The following MASP2 variants were observed in gnomAD, a reference collection of about 807,000 sequenced individuals.
The protein encoded by MASP2 is MBL associated serine protease 2.
MASP2 carries 49 observed loss-of-function variants against 57.1 expected under a neutral mutation model. The ratio of observed to expected loss-of-function variants is 0.86; its 90% confidence interval spans 0.68 to 1.09. The LOEUF (loss-of-function observed/expected upper bound fraction) is 1.09, where lower values mean the gene tolerates loss of function less well. Ranked by LOEUF, MASP2 falls within the 50% of genes least tolerant of loss-of-function variation. MASP2 has a pLI of 0.00. For missense variants in MASP2, 900 were observed against 874.8 expected, an observed-to-expected ratio of 1.03 and a Z score of -0.36; for synonymous variants, 379 against 340.8, an observed-to-expected ratio of 1.11 and a Z score of -1.24.
At chr1:11,029,995 C>CT (rs1201230823) in intron 10 of MASP2, 181 bp downstream of exon 10, 2 of 529,290 alleles carry the variant, frequency 3.8e-6, no homozygotes, top group Admixed American at 7.4e-5. Context: ...CAGTCAGCAC[C>CT]TAACAACCTC....
At chr1:11,031,792 G>C (rs1411822213) in intron 8 of MASP2, among the ~76,000 whole-genome samples, 1 of 150,410 alleles carries the variant, frequency 6.6e-6, no homozygotes, top group Non-Finnish European at 1.5e-5. Context: ...TTGGTGGCGT[G>C]GTCTCAGCTA....
Position 11,042,951 on chromosome 1 carries a change from G to C in MASP2, c.813C>G (p.Ser271Arg). ...KTLPHRIETK[S>R]NTVTITFVTD... is the part of the protein sequence containing the mutation. ...TGACAAAGGTGATGGTCACCGTGTT[G>C]CTTTTTGTTTCAATCCTGTGGGGCA... Residue 271 changes from serine (S) to arginine (R), a missense_variant, in exon 6 of 11, where the codon AGC (serine) becomes AGG (arginine). Coordinates refer to ENST00000400897, the MANE Select transcript of MASP2 (RefSeq NM_006610.4). 1 of 1,613,978 alleles carries C rather than the reference G, an allele frequency of 6.2e-7. No homozygotes were observed. The highest frequency in any genetic ancestry group is 1.7e-4 in the Middle Eastern group (1 of 6,060).
At chr1:11,030,042 G>C in intron 10 of MASP2, 134 bp downstream of exon 10, 1 of 621,892 alleles carries the variant, frequency 1.6e-6, no homozygotes. Flanking sequence ...CATACTATTT[G>C]GAAATAATAA....
rs542928385 is a variant in MASP2 at position 11,027,713 on chromosome 1, A to G, written c.1298-65T>C. 2.0e-6 allele frequency: 3 copies of G among 1,501,940 alleles called. No individual in the cohort carries two copies. The African/African-American group carries it at 4.2e-5, about 21-fold the overall frequency. The allele number at this position is 1,501,940 out of a possible 1,614,324, so 93.0% of individuals were successfully genotyped here. A position where few individuals can be genotyped will look rare whatever the true frequency, so the allele number is the denominator to read the frequency against. On this transcript the variant is annotated intron_variant, in intron 10 of 10. Transcript: ENST00000400897. ...ATGTCAATCGTGTTTTTCTTAAATT[A>G]TGACCGCCTTGAAGTATATATTTGA...
At chr1:11,041,309 A>T (rs1293490679) in intron 6 of MASP2, among the ~76,000 whole-genome samples, 1 of 150,418 alleles carries the variant, frequency 6.6e-6, no homozygotes, top group East Asian at 2.0e-4. Flanking sequence ...GGATGGATGG[A>T]TAAATGGAAG....
rs989873288 is a variant in MASP2 at position 11,026,563 on chromosome 1, A to G, written c.*322T>C. ...TTAAAAACAAAGAGCATGGACAGGC[A>G]GTTTACAGAAATGCCAACAGCCAGT... is the stretch of plus-strand genomic sequence containing the variant. On this transcript the variant is annotated 3_prime_UTR_variant, in exon 11 of 11. Coordinates refer to ENST00000400897, the MANE Select transcript of MASP2 (RefSeq NM_006610.4). The G allele has an allele frequency of 9.9e-6, 2 of 201,844 alleles. No individual in the cohort carries two copies. The highest frequency in any genetic ancestry group is 1.1e-4 in the East Asian group (1 of 8,816). The allele number at this position is 201,844 out of a possible 1,614,324, so 12.5% of individuals were successfully genotyped here. A position where few individuals can be genotyped will look rare whatever the true frequency, so the allele number is the denominator to read the frequency against.
chr1:11,044,750 ACC>A, intron 4 of MASP2: 10 of 1,460,542 alleles, frequency 6.8e-6, no homozygotes, highest in Non-Finnish European at 8.2e-6. Flanking sequence ...AGAGGAGCGC[ACC>A]CCGCCGCCTC....
At chr1:11,028,444 G>A (rs1643776739) in intron 10 of MASP2, among the ~76,000 whole-genome samples, 1 of 152,174 alleles carries the variant, frequency 6.6e-6, no homozygotes, top group Admixed American at 6.5e-5. Flanking sequence ...TTAGAAATTA[G>A]AATGTTGCAG....
At chr1:11,036,290 G>T (rs1232135445) in intron 7 of MASP2, among the ~76,000 whole-genome samples, 1 of 151,246 alleles carries the variant, frequency 6.6e-6, no homozygotes, top group East Asian at 1.9e-4. Flanking sequence ...GGATCATGAG[G>T]TCAGGAGATC....
chr1:11,036,276 G>A (rs1055662683), intron 7 of MASP2, among the ~76,000 whole-genome samples: 1 of 151,226 alleles, frequency 6.6e-6, no homozygotes, highest in Admixed American at 6.6e-5. Flanking sequence ...AGGCCGAGGC[G>A]GGTGGATCAT....
At chr1:11,044,701 CA>C in intron 4 of MASP2, 1 of 1,176,612 alleles carries the variant, frequency 8.5e-7, no homozygotes, top group South Asian at 1.6e-5. Flanking sequence ...GAGGCTCCCA[CA>C]GACCTGGGGT....
At chr1:11,028,655 C>G (rs1643780343) in intron 10 of MASP2, among the ~76,000 whole-genome samples, 1 of 151,522 alleles carries the variant, frequency 6.6e-6, no homozygotes, top group Non-Finnish European at 1.5e-5. Context: ...CTAATTTGAG[C>G]CAAATAACAC....
At chr1:11,031,840 G>T (rs1458113421) in intron 8 of MASP2, among the ~76,000 whole-genome samples, 3 of 152,142 alleles carry the variant, frequency 2.0e-5, no homozygotes, top group African/African-American at 7.2e-5. Context: ...TTGAGCCTGG[G>T]AGGATGAGGC....
chr1:11,033,324 G>A (rs543406000), intron 8 of MASP2, among the ~76,000 whole-genome samples: 13 of 145,242 alleles, frequency 9.0e-5, no homozygotes, highest in Non-Finnish European at 1.8e-4. Flanking sequence ...ACAAAACTGC[G>A]TCTCCAAAAA....
chr1:11,029,193 A>C (rs926516368), intron 10 of MASP2, among the ~76,000 whole-genome samples: 1 of 149,122 alleles, frequency 6.7e-6, no homozygotes, highest in African/African-American at 2.5e-5. Flanking sequence ...GTAGAGACGG[A>C]GTTTCACCAT....
chr1:11,040,924 T>G (rs1638405330), intron 6 of MASP2, among the ~76,000 whole-genome samples: 1 of 146,806 alleles, frequency 6.8e-6, no homozygotes, highest in Non-Finnish European at 1.5e-5. Context: ...GATTGGTAAG[T>G]AGAAGGATGG....
chr1:11,032,055 TAGTG>T (rs955771005), intron 8 of MASP2, among the ~76,000 whole-genome samples: 3 of 151,794 alleles, frequency 2.0e-5, no homozygotes, highest in Admixed American at 6.6e-5. Context: ...CTGGGCAACA[TAGTG>T]AGACCCCATC....
rs199560187 is a variant in MASP2, at chr1:11,042,964, A to G, written c.800T>C (p.Ile267Thr). Residue 267 changes from isoleucine (I) to threonine (T), a missense_variant, in exon 6 of 11, where the codon ATT becomes ACT. Ile to Thr is a moderately conservative substitution (Grantham distance 89). Coordinates refer to ENST00000400897, the MANE Select transcript of MASP2 (RefSeq NM_006610.4). ...PFCGKTLPHR[I>T]ETKSNTVTIT... ...GGTCACCGTGTTGCTTTTTGTTTCA[A>G]TCCTGTGGGGCAATGTCTTCCCACA... 3.1e-6 allele frequency: 5 copies of G among 1,613,950 alleles called. No individual in the cohort carries two copies. The highest frequency in any genetic ancestry group is 1.3e-5 in the African/African-American group (1 of 74,994).
chr1:11,036,510 C>CAAAAAAAAAAAAAAAAAAAAAAAAA (rs35642467), intron 7 of MASP2, among the ~76,000 whole-genome samples: 2 of 54,330 alleles, frequency 3.7e-5, no homozygotes, highest in African/African-American at 1.2e-4. Flanking sequence ...GACTCCGTCT[C>CAAAAAAAAAAAAAAAAAAAAAAAAA]AAAAAAAAAA....
Sources: gnomAD v4.1 joint callset for allele counts (sites outside exome capture counted in the v4.1 genomes callset) on GRCh38, gnomAD v4.1.1 for gene constraint, MANE v1.5 for transcripts, NCBI Gene and HGNC (gene_info 2026-07-23, HGNC 2026-07-21) for gene names.